Variants in THSD4 observed in about 807,000 individuals in gnomAD.
THSD4 encodes the protein thrombospondin type-1 domain-containing protein 4.
In THSD4, 69 loss-of-function variants were observed where a neutral mutation model predicts 119.0. The ratio of observed to expected loss-of-function variants is 0.58; its 90% CI spans 0.48 to 0.71. The LOEUF (loss-of-function observed/expected upper bound fraction) is 0.71. Ranked by LOEUF, THSD4 falls within the 30% of genes least tolerant of loss-of-function variation. THSD4 has a pLI of 0.00. For missense variants in THSD4, 1,393 were observed against 1,391.1 expected, an observed-to-expected ratio of 1.00 and a Z score of -0.02; for synonymous variants, 524 against 540.4, an observed-to-expected ratio of 0.97 and a Z score of 0.42.
chr15:71,405,082 T>C (rs1199188292), intron 6 of THSD4, among the ~76,000 whole-genome samples: 1 of 152,066 alleles, frequency 6.6e-6, no homozygotes, highest in Non-Finnish European at 1.5e-5. Flanking sequence ...AGAGATGAGG[T>C]TTCACCATGT....
intron 7 of THSD4, among the ~76,000 whole-genome samples, chr15:71,571,327 G>T (rs1004511861): frequency 5.9e-5 from 9 of 151,882 alleles, no homozygotes; most frequent in East Asian, 5.8e-4. Context: ...GTAGAATGCC[G>T]CATGCTCGTT....
At chr15:71,511,316 T>C (rs2048280453) in intron 7 of THSD4, among the ~76,000 whole-genome samples, 1 of 152,120 alleles carries the variant, frequency 6.6e-6, no homozygotes, top group Non-Finnish European at 1.5e-5. Context: ...TTCTCAGATT[T>C]GGTTTAGGGG....
At chr15:71,632,463 C>T (rs1282083712) in intron 7 of THSD4, among the ~76,000 whole-genome samples, 1 of 152,228 alleles carries the variant, frequency 6.6e-6, no homozygotes, top group African/African-American at 2.4e-5. Flanking sequence ...AGCCAAAAGC[C>T]CTATGGCCAG....
At chr15:71,475,205 C>T (rs950472026) in intron 7 of THSD4, among the ~76,000 whole-genome samples, 2 of 152,226 alleles carry the variant, frequency 1.3e-5, no homozygotes, top group Non-Finnish European at 2.9e-5. Context: ...CCATCTGTCT[C>T]CTCTTGAAAG....
At chr15:71,556,520 C>A (rs992512907) in intron 7 of THSD4, among the ~76,000 whole-genome samples, 5 of 152,008 alleles carry the variant, frequency 3.3e-5, no homozygotes, top group African/African-American at 1.2e-4. Flanking sequence ...GATGCTGAGG[C>A]AGGCAGATCA....
At chr15:71,220,454 C>A (rs756937315) in intron 4 of THSD4, among the ~76,000 whole-genome samples, 3 of 152,128 alleles carry the variant, frequency 2.0e-5, no homozygotes, top group East Asian at 3.9e-4. Context: ...GAGCTTAGGA[C>A]AATTAAACTT....
intron 6 of THSD4, among the ~76,000 whole-genome samples, chr15:71,353,741 G>A (rs181366641): frequency 7.2e-5 from 11 of 152,304 alleles, no homozygotes; most frequent in Admixed American, 5.2e-4. Flanking sequence ...TTTCAATGCC[G>A]GGATGATAAA....
chr15:71,576,866 T>C (rs1208769233), intron 7 of THSD4, among the ~76,000 whole-genome samples: 2 of 152,210 alleles, frequency 1.3e-5, no homozygotes, highest in Non-Finnish European at 2.9e-5. Flanking sequence ...AACAGCTTTG[T>C]TATACCCTTA....
chr15:71,685,296 A>C (rs1384058552), intron 8 of THSD4, among the ~76,000 whole-genome samples: 1 of 151,856 alleles, frequency 6.6e-6, no homozygotes, highest in African/African-American at 2.4e-5. Context: ...AAATGTTTTC[A>C]TCTCAGGACC....
chr15:71,646,094 C>G (rs188695795), intron 7 of THSD4, among the ~76,000 whole-genome samples: 12 of 152,318 alleles, frequency 7.9e-5, no homozygotes, highest in Admixed American at 2.0e-4. Flanking sequence ...TAGATAGATA[C>G]GAGCACAGAT....
chr15:71,556,984 A>G (rs911859564), intron 7 of THSD4, among the ~76,000 whole-genome samples: 1 of 151,780 alleles, frequency 6.6e-6, no homozygotes, highest in Admixed American at 6.6e-5. Context: ...AATTTTTATA[A>G]TTTTTATTTC....
chr15:71,132,637 TAATA>T (rs1384601926), intron 1 of THSD4, among the ~76,000 whole-genome samples: 3 of 152,246 alleles, frequency 2.0e-5, no homozygotes, highest in African/African-American at 7.2e-5. Flanking sequence ...TAGATTTCCT[TAATA>T]AATAAATTTT....
At chr15:71,675,971 C>T (rs1262244109) in intron 8 of THSD4, among the ~76,000 whole-genome samples, 6 of 152,196 alleles carry the variant, frequency 3.9e-5, no homozygotes, top group Admixed American at 3.3e-4. Context: ...GTCCCCACTG[C>T]TACCTCAAAC....
intron 3 of THSD4, among the ~76,000 whole-genome samples, chr15:71,165,625 T>C (rs1290844467): frequency 2.0e-5 from 3 of 152,188 alleles, no homozygotes; most frequent in African/African-American, 7.2e-5. Context: ...TGGTTCTGGG[T>C]GGACTCAGTA....
At chr15:71,562,772 A>C (rs2049150015) in intron 7 of THSD4, among the ~76,000 whole-genome samples, 1 of 144,220 alleles carries the variant, frequency 6.9e-6, no homozygotes, top group Admixed American at 7.6e-5. Flanking sequence ...GCGCAATCTC[A>C]GCTCACTGCA....
At chr15:71,207,642 C>G (rs2043855522) in intron 3 of THSD4, among the ~76,000 whole-genome samples, 1 of 152,204 alleles carries the variant, frequency 6.6e-6, no homozygotes, top group South Asian at 2.1e-4. Context: ...GCGGGCATTA[C>G]CATCTGAGCT....
At chr15:71,341,165 C>T (rs931693069) in intron 6 of THSD4, 13 of 1,430,268 alleles carry the variant, frequency 9.1e-6, no homozygotes, top group East Asian at 6.8e-5. Flanking sequence ...AATTTACTCC[C>T]GTGCCATAAG....
At chr15:71,761,337 A>G (rs1438116423) in intron 15 of THSD4, among the ~76,000 whole-genome samples, 1 of 152,168 alleles carries the variant, frequency 6.6e-6, no homozygotes, top group Non-Finnish European at 1.5e-5. Flanking sequence ...TCCTAAAAGA[A>G]AATAGAAGCC....
intron 6 of THSD4, among the ~76,000 whole-genome samples, chr15:71,278,720 G>A (rs2044619288): frequency 6.6e-6 from 1 of 152,128 alleles, no homozygotes. Flanking sequence ...TTAGAGGGGT[G>A]GAGAAAGCCA....
Sources: gnomAD v4.1 joint callset for allele counts (sites outside exome capture counted in the v4.1 genomes callset) on GRCh38, gnomAD v4.1.1 for gene constraint, MANE v1.5 for transcripts, NCBI Gene and HGNC (gene_info 2026-07-23, HGNC 2026-07-21) for gene names.